The following ZNF367 variants were observed in gnomAD, a reference collection of about 807,000 sequenced individuals.
ZNF367 encodes the protein zinc finger protein 367.
Under a neutral mutation model 31.8 loss-of-function variants are expected in ZNF367, and 11 were observed. The ratio of observed to expected loss-of-function variants is 0.35; its 90% confidence interval spans 0.22 to 0.57. ZNF367 has a LOEUF of 0.57. ZNF367 is among the 20% of genes least tolerant of loss of function. ZNF367 has a pLI of 0.85. For missense variants in ZNF367, 353 were observed against 484.1 expected (o/e 0.73, Z 2.54); for synonymous variants, 199 against 202.4 (o/e 0.98, Z 0.14).
At chr9:96,399,255 A>G (rs754902646) in intron 1 of ZNF367, among the ~76,000 whole-genome samples, 2 of 152,134 alleles carry the variant, frequency 1.3e-5, no homozygotes, top group African/African-American at 2.4e-5. Flanking sequence ...CAGCAGGGCT[A>G]AGCAACCACA....
Position 96,404,450 on chromosome 9 carries a change from G to A in ZNF367, c.421-6136C>T, listed in dbSNP as rs150065952. 8.0e-3 allele frequency among the ~76,000 whole-genome samples: 1,211 copies of A among 152,058 alleles called. 8 individuals carry two copies. Among genetic ancestry groups the A allele is most frequent in the Middle Eastern group, 0.051 (15 of 294 alleles). ...TCTACTAAAAATAAAAAAATTAGCC[G>A]GGCGCGGTGGCGGGCACCTGTAGTC... On this transcript the variant is annotated intron_variant, in intron 1 of 4. Coordinates refer to ENST00000375256, the MANE Select transcript of ZNF367 (RefSeq NM_153695.4).
At chr9:96,391,428 C>T (rs1260083429) in intron 4 of ZNF367, among the ~76,000 whole-genome samples, 1 of 152,126 alleles carries the variant, frequency 6.6e-6, no homozygotes, top group Non-Finnish European at 1.5e-5. Flanking sequence ...GTGAGTGCTC[C>T]AGGCAGAGGA....
At position 96,392,476 on chromosome 9, in the gene ZNF367, A is replaced by T. The variant is rs747183671; in HGVS notation, c.752T>A (p.Leu251Gln). Residue 251 changes from leucine to glutamine, a missense_variant, in exon 4 of 5, where the codon CTG (leucine) becomes CAG (glutamine). By Grantham distance (113) the Leu-to-Gln change is moderately radical. This residue lies in a region of ZNF367 where 101 missense variants were observed against 140.0 expected (regional missense o/e 0.72). Transcript: ENST00000375256. ...TGTGTCCGTGGGCTCCTCTCTCTTCAGCCTGGCGTAGGGGTGCTTCGGACA... is the reference window on the plus strand; with the variant it reads ...TGTGTCCGTGGGCTCCTCTCTCTTCTGCCTGGCGTAGGGGTGCTTCGGACA... ...RHCPKHPYARLKREEPTDTLS... is the reference protein window; with the variant it reads ...RHCPKHPYARQKREEPTDTLS... The T allele has an allele frequency of 6.2e-7, 1 of 1,613,958 alleles. No homozygotes were observed. Among genetic ancestry groups the T allele is most frequent in the Non-Finnish European group, 8.5e-7 (1 of 1,179,880 alleles).
chr9:96,400,392 CAAA>C (rs57650386), intron 1 of ZNF367, among the ~76,000 whole-genome samples: 268 of 71,846 alleles, frequency 3.7e-3, no homozygotes, highest in African/African-American at 0.015. Context: ...GACCCTGTCT[CAAA>C]AAAAAAAAAA....
chr9:96,410,397 TA>T (rs1352964039), intron 1 of ZNF367, among the ~76,000 whole-genome samples: 3 of 135,150 alleles, frequency 2.2e-5, no homozygotes, highest in African/African-American at 2.8e-5. Context: ...CCGTCTCTAC[TA>T]AAAAATACAA....
At chr9:96,410,379 G>C (rs1359465183) in intron 1 of ZNF367, among the ~76,000 whole-genome samples, 1 of 151,032 alleles carries the variant, frequency 6.6e-6, no homozygotes, top group South Asian at 2.1e-4. Context: ...GGCTAACACG[G>C]TGAAATCCCG....
chr9:96,410,703 G>A (rs1250830694), intron 1 of ZNF367, among the ~76,000 whole-genome samples: 2 of 149,112 alleles, frequency 1.3e-5, no homozygotes, highest in Admixed American at 6.7e-5. Flanking sequence ...GTGAAACCCC[G>A]TCTCTACTAA....
chr9:96,409,793 A>G lies in ZNF367; in HGVS notation c.420+7820T>C, dbSNP rs1831718629. 1.3e-5 allele frequency among the ~76,000 whole-genome samples: 2 copies of G among 152,240 alleles called. 1 individual carries two copies. Among genetic ancestry groups the G allele is most frequent in the South Asian group, 4.1e-4 (2 of 4,832 alleles). ...CAGAGTCAGACAGAAGGAGCTACAC[A>G]GGAGTGAAATCTTCATTGCCATCAT... is the stretch of plus-strand genomic sequence containing the variant. On this transcript the variant is annotated intron_variant, in intron 1 of 4. Coordinates refer to ENST00000375256, the MANE Select transcript of ZNF367 (RefSeq NM_153695.4).
At chr9:96,411,670 C>T (rs892786761) in intron 1 of ZNF367, among the ~76,000 whole-genome samples, 1 of 152,144 alleles carries the variant, frequency 6.6e-6, no homozygotes, top group African/African-American at 2.4e-5. Flanking sequence ...AACCATATGG[C>T]TGCCTCCCAG....
At chr9:96,403,709 T>C (rs955146349) in intron 1 of ZNF367, among the ~76,000 whole-genome samples, 9 of 152,150 alleles carry the variant, frequency 5.9e-5, no homozygotes, top group African/African-American at 2.2e-4. Flanking sequence ...ACCTAACCTA[T>C]ACATGAAAGG....
intron 1 of ZNF367, among the ~76,000 whole-genome samples, chr9:96,415,476 T>G (rs1178530772): frequency 7.4e-6 from 1 of 135,998 alleles, no homozygotes; most frequent in Non-Finnish European, 1.5e-5. Flanking sequence ...CGTTAGTTTC[T>G]TCATTTTTTT....
Position 96,388,122 on chromosome 9 carries a change from T to C in ZNF367, c.*115A>G, listed in dbSNP as rs562067847. ...TGGGGCAATAACATTCTTCATAAAT[T>C]TCTACAGAATAGCAGCCTATGATAA... On this transcript the variant is annotated 3_prime_UTR_variant, in exon 5 of 5. Coordinates refer to ENST00000375256, the MANE Select transcript of ZNF367 (RefSeq NM_153695.4). The C allele has an allele frequency of 9.9e-7, 1 of 1,005,380 alleles. No individual in the cohort carries two copies. The highest frequency in any genetic ancestry group is 3.1e-5 in the Admixed American group (1 of 31,834). 62.3% of individuals were successfully genotyped at this position (1,005,380 alleles called of 1,614,324 possible).
chr9:96,418,130 G>C lies in ZNF367; in HGVS notation c.-98C>G. The C allele has an allele frequency of 7.8e-7, 1 of 1,276,352 alleles. No homozygotes were observed. The highest frequency in any genetic ancestry group is 1.5e-5 in the African/African-American group (1 of 64,624). The allele number at this position is 1,276,352 out of a possible 1,614,324, so 79.1% of individuals were successfully genotyped here. Reference sequence around the variant, plus strand: ...TGCTCCGAGTCGCAGGCTCAGTCCTGCCGGCTCATGGCAGACTGACGTTTC... The same window carrying C: ...TGCTCCGAGTCGCAGGCTCAGTCCTCCCGGCTCATGGCAGACTGACGTTTC... On this transcript the variant is annotated 5_prime_UTR_variant, in exon 1 of 5. Transcript: ENST00000375256.
chr9:96,410,689 C>A (rs1468791374), intron 1 of ZNF367, among the ~76,000 whole-genome samples: 1 of 147,624 alleles, frequency 6.8e-6, no homozygotes, highest in Non-Finnish European at 1.5e-5. Flanking sequence ...TCCTGGCCAA[C>A]ATGGTGAAAC....
intron 1 of ZNF367, among the ~76,000 whole-genome samples, chr9:96,407,001 CAAAAAAAAA>C (rs71368256): frequency 1.1e-4 from 4 of 35,874 alleles, no homozygotes; most frequent in South Asian, 1.5e-3. Context: ...GACTCCATCT[CAAAAAAAAA>C]AAAAAAAAAA....
In ZNF367 at chr9:96,398,165, T is replaced by G. The variant is rs763878250; in HGVS notation, c.570A>C (p.Thr190=). 7 of 1,575,246 alleles carry G rather than the reference T, an allele frequency of 4.4e-6. No individual in the cohort carries two copies. In the Admixed American group the frequency reaches 7.4e-5, roughly 17 times the overall value. Residue 190 remains threonine (T), a splice_region_variant and synonymous_variant, in exon 2 of 5, where the codon ACA becomes ACC. Coordinates refer to ENST00000375256, the MANE Select transcript of ZNF367 (RefSeq NM_153695.4). ...CTCTATAAAATTTGCTCAACTTACC[T>G]GTATGAGTCCTTTTGTGAGCCTGGA... ...KSLQAHKRTH[T]GERPYLCDYP... is the part of the protein sequence containing the mutation.
At chr9:96,395,002 T>C (rs2131072602) in intron 2 of ZNF367, 60 bp from the exon 3 acceptor site, 2 of 1,581,826 alleles carry the variant, frequency 1.3e-6, no homozygotes, top group Non-Finnish European at 1.7e-6. Context: ...AGGAGGGGGA[T>C]GGGGAGAGAA....
At chr9:96,407,399 C>G (rs1398223902) in intron 1 of ZNF367, 17 of 1,481,940 alleles carry the variant, frequency 1.1e-5, no homozygotes, top group Middle Eastern at 2.4e-4. Context: ...TCAAAGAAGG[C>G]AAAGAAAATG....
intron 1 of ZNF367, among the ~76,000 whole-genome samples, chr9:96,408,068 G>A (rs888258544): frequency 1.1e-4 from 16 of 152,134 alleles, no homozygotes; most frequent in Non-Finnish European, 1.5e-5. Context: ...GTCGCGGGGT[G>A]GCGGGAGCGG....
Sources: allele counts gnomAD v4.1 joint callset (sites outside exome capture counted in the v4.1 genomes callset), GRCh38; gene constraint gnomAD v4.1.1; regional missense constraint gnomAD v4.1.1; transcripts MANE v1.5; gene names NCBI Gene and HGNC (gene_info 2026-07-23, HGNC 2026-07-21).